Variants in AGBL1 observed in about 807,000 individuals in gnomAD.
AGBL1 encodes the protein AGBL carboxypeptidase 1.
In AGBL1, 130 loss-of-function variants were observed where a neutral mutation model predicts 118.9. That is an observed-to-expected ratio of 1.09 (90% CI 0.95 to 1.26). The LOEUF is 1.26. AGBL1 is among the 50% of genes most tolerant of loss of function. The pLI, the probability that AGBL1 is intolerant of heterozygous loss-of-function variation, is 0.00. For missense variants in AGBL1, 1,584 were observed against 1,298.1 expected (o/e 1.22, Z -3.38); for synonymous variants, 555 against 478.9 (o/e 1.16, Z -2.08).
chr15:86,172,956 G>C (rs117715798), intron 5 of AGBL1, among the ~76,000 whole-genome samples: 2,429 of 151,830 alleles, frequency 0.016, 29 homozygotes, highest in East Asian at 0.071. Flanking sequence ...TATAAATTTA[G>C]ATTCTGACTA....
chr15:86,457,313 TG>T (rs557232628), intron 18 of AGBL1, among the ~76,000 whole-genome samples: 119 of 152,314 alleles, frequency 7.8e-4, no homozygotes, highest in African/African-American at 2.8e-3. Context: ...GCTTTTGGTT[TG>T]CAATCAGGCT....
At chr15:86,608,601 A>C (rs574332131) in intron 21 of AGBL1, among the ~76,000 whole-genome samples, 1 of 152,122 alleles carries the variant, frequency 6.6e-6, no homozygotes, top group Admixed American at 6.6e-5. Flanking sequence ...AGAGACCACT[A>C]TATACGACAT....
At chr15:86,482,102 A>G (rs1353602265) in intron 18 of AGBL1, among the ~76,000 whole-genome samples, 1 of 152,176 alleles carries the variant, frequency 6.6e-6, no homozygotes, top group East Asian at 1.9e-4. Flanking sequence ...TGTGTTCCTG[A>G]CTTATAACTG....
intron 4 of AGBL1, among the ~76,000 whole-genome samples, chr15:86,156,364 T>C (rs2077190886): frequency 6.6e-6 from 1 of 152,210 alleles, no homozygotes. Flanking sequence ...GCATCCTTGA[T>C]GTTTCTTTGT....
At chr15:86,247,077 C>A (rs1421363588) in intron 6 of AGBL1, among the ~76,000 whole-genome samples, 1 of 152,136 alleles carries the variant, frequency 6.6e-6, no homozygotes, top group East Asian at 1.9e-4. Flanking sequence ...TCTTACATAA[C>A]CCCAGTTTAT....
intron 21 of AGBL1, among the ~76,000 whole-genome samples, chr15:86,576,092 T>G (rs1567066441): frequency 6.6e-6 from 1 of 152,252 alleles, no homozygotes; most frequent in Non-Finnish European, 1.5e-5. Flanking sequence ...AATATTTACA[T>G]GGACTTTAGC....
chr15:86,423,826 G>C (rs773288618), intron 18 of AGBL1, among the ~76,000 whole-genome samples: 18 of 152,194 alleles, frequency 1.2e-4, no homozygotes, highest in Middle Eastern at 3.4e-3. Context: ...AACTTACAAG[G>C]GATGTGAAGG....
At chr15:86,225,362 G>T (rs1409802758) in intron 6 of AGBL1, among the ~76,000 whole-genome samples, 1 of 152,120 alleles carries the variant, frequency 6.6e-6, no homozygotes, top group Non-Finnish European at 1.5e-5. Flanking sequence ...AAAGATTTTG[G>T]CTGGCTGGAG....
chr15:86,286,735 G>GTGTA lies in AGBL1; in HGVS notation c.2220+6953_2220+6954insGTAT. Among the ~76,000 whole-genome samples the GTGTA allele has an allele frequency of 2.0e-3, 216 of 106,296 alleles. 26 individuals are homozygous for GTGTA. The highest frequency in any genetic ancestry group is 8.1e-3 in the African/African-American group (210 of 25,772). 69.7% of individuals were successfully genotyped at this position (106,296 alleles called of 152,430 possible). On this transcript the variant is annotated intron_variant, in intron 16 of 22. Coordinates refer to ENST00000614907, the MANE Select transcript of AGBL1 (RefSeq NM_001386094.1). ...TATATGTGTGTGTGTGTTTGTGTGT[G>GTGTA]TATATATATATATAAAACTCCATCA... is the stretch of plus-strand genomic sequence containing the variant.
intron 18 of AGBL1, among the ~76,000 whole-genome samples, chr15:86,509,303 G>T (rs775044160): frequency 1.2e-4 from 18 of 152,100 alleles, no homozygotes; most frequent in African/African-American, 3.6e-4. Flanking sequence ...AAAAGATTGG[G>T]TCTGCAGACA....
chr15:86,104,533 T>C (rs987860583), intron 1 of AGBL1, among the ~76,000 whole-genome samples: 5 of 152,154 alleles, frequency 3.3e-5, no homozygotes, highest in African/African-American at 1.2e-4. Flanking sequence ...GTAGTGGCAA[T>C]GGCTGTATGT....
At position 86,573,355 on chromosome 15, in the gene AGBL1, A is replaced by C. The variant is rs115851107; in HGVS notation, c.2994+18818A>C. Among the ~76,000 whole-genome samples the C allele has an allele frequency of 1.0e-3, 158 of 152,364 alleles. 1 individual carries two copies. The highest frequency in any genetic ancestry group is 3.6e-3 in the African/African-American group (148 of 41,590). On this transcript the variant is annotated intron_variant, in intron 21 of 22. Transcript: ENST00000614907. ...TCTACAGTTTATAGTCCAGCCACAA[A>C]GGCAGATAATTAAGTAAGCAATAAC... is the stretch of plus-strand genomic sequence containing the variant.
chr15:86,963,250 A>G (rs1167342977), intron 23 of AGBL1, among the ~76,000 whole-genome samples: 4 of 152,098 alleles, frequency 2.6e-5, no homozygotes, highest in Non-Finnish European at 5.9e-5. Flanking sequence ...AAAGACATTT[A>G]ATGGCATGAA....
chr15:86,793,068 A>G (rs2078518839), intron 22 of AGBL1, among the ~76,000 whole-genome samples: 1 of 152,216 alleles, frequency 6.6e-6, no homozygotes, highest in African/African-American at 2.4e-5. Flanking sequence ...CTCAAGGTAC[A>G]GAAAGGAGCC....
Position 86,216,535 on chromosome 15 carries a change from T to A in AGBL1, c.489-8379T>A, listed in dbSNP as rs1029386508. Reference sequence around the variant, plus strand: ...AGATGATCAGGTATTTTCAAATTCTTTATTCTGTTATTATGGTGGGTTACT... The same window carrying A: ...AGATGATCAGGTATTTTCAAATTCTATATTCTGTTATTATGGTGGGTTACT... On this transcript the variant is annotated intron_variant, in intron 5 of 22. Transcript: ENST00000614907. 2.0e-5 allele frequency among the ~76,000 whole-genome samples: 3 copies of A among 152,170 alleles called. No individual in the cohort carries two copies. The South Asian group carries it at 6.2e-4, about 32-fold the overall frequency.
At chr15:86,162,829 C>T (rs184376476) in intron 5 of AGBL1, among the ~76,000 whole-genome samples, 57 of 152,296 alleles carry the variant, frequency 3.7e-4, no homozygotes, top group South Asian at 1.7e-3. Context: ...TCTTCTTCCC[C>T]AGGTCTCTCC....
chr15:86,382,623 C>T (rs191371175), intron 17 of AGBL1, among the ~76,000 whole-genome samples: 1 of 152,172 alleles, frequency 6.6e-6, no homozygotes, highest in Admixed American at 6.5e-5. Flanking sequence ...CAGGCCACCG[C>T]TGTAGTCATT....
At chr15:86,499,788 G>A (rs2142158096) in intron 18 of AGBL1, among the ~76,000 whole-genome samples, 1 of 151,968 alleles carries the variant, frequency 6.6e-6, no homozygotes, top group African/African-American at 2.4e-5. Context: ...CTGCCAACAA[G>A]GTAAGTGAAA....
At chr15:86,725,343 C>T (rs2086803423) in intron 22 of AGBL1, among the ~76,000 whole-genome samples, 1 of 152,106 alleles carries the variant, frequency 6.6e-6, no homozygotes, top group Non-Finnish European at 1.5e-5. Flanking sequence ...TCAAGTAATG[C>T]TTCCAGGGTG....
Sources: allele counts gnomAD v4.1 joint callset (sites outside exome capture counted in the v4.1 genomes callset), GRCh38; gene constraint gnomAD v4.1.1; transcripts MANE v1.5; gene names NCBI Gene and HGNC (gene_info 2026-07-23, HGNC 2026-07-21).